ARHGAP6: variants seen among roughly 807,000 people sequenced by gnomAD.
ARHGAP6 encodes Rho GTPase activating protein 6.
In ARHGAP6, 16 loss-of-function variants were observed where a neutral mutation model predicts 55.7. The ratio of observed to expected loss-of-function variants is 0.29; its 90% confidence interval spans 0.19 to 0.44. The LOEUF is 0.44. Among genes scored for constraint, ARHGAP6 ranks in the 20% least tolerant of loss-of-function variants. ARHGAP6 has a pLI of 1.00. For synonymous variants in ARHGAP6, 382 were observed against 360.9 expected (o/e 1.06, Z -0.66); for missense variants, 698 against 808.9 (o/e 0.86, Z 1.66).
intron 2 of ARHGAP6, among the ~76,000 whole-genome samples, chrX:11,204,474 TA>T (rs1395201777): frequency 9.0e-6 from 1 of 111,319 alleles, no homozygotes; most frequent in Non-Finnish European, 1.9e-5. Context: ...AGATGCTCAA[TA>T]AATTAGTTGA....
chrX:11,286,628 T>A (rs2047924797), intron 1 of ARHGAP6, among the ~76,000 whole-genome samples: 1 of 111,396 alleles, frequency 9.0e-6, no homozygotes, highest in East Asian at 2.8e-4. Flanking sequence ...ATCAAACATA[T>A]GCGATGTCCG....
intron 1 of ARHGAP6, among the ~76,000 whole-genome samples, chrX:11,352,543 A>C (rs2040744680): frequency 8.9e-6 from 1 of 112,110 alleles, no homozygotes; most frequent in African/African-American, 3.2e-5. Flanking sequence ...TCAGTTGATC[A>C]AAGTTCTTAA....
chrX:11,161,541 CAT>C (rs2045944946), intron 9 of ARHGAP6, among the ~76,000 whole-genome samples: 1 of 110,725 alleles, frequency 9.0e-6, no homozygotes, highest in Admixed American at 9.7e-5. Flanking sequence ...CATCTGAAAA[CAT>C]ATGCATATTC....
intron 1 of ARHGAP6, among the ~76,000 whole-genome samples, chrX:11,285,379 T>G (rs1193932728): frequency 1.8e-5 from 2 of 111,570 alleles, no homozygotes; most frequent in Non-Finnish European, 3.8e-5. Context: ...AGCTTGAGTT[T>G]AAGGGCCTCA....
intron 1 of ARHGAP6, among the ~76,000 whole-genome samples, chrX:11,333,090 C>A (rs1309068562): frequency 3.6e-5 from 4 of 111,985 alleles, no homozygotes; most frequent in African/African-American, 1.3e-4. Context: ...TTGCAGTTAC[C>A]TTCTCCACTG....
chrX:11,334,750 G>A, intron 1 of ARHGAP6: 1 of 248,495 alleles, frequency 4.0e-6, no homozygotes, highest in Admixed American at 4.6e-5. Flanking sequence ...CACAGCCCAG[G>A]CATCCTTGTT....
intron 1 of ARHGAP6, among the ~76,000 whole-genome samples, chrX:11,536,768 G>T (rs1165292248): frequency 8.9e-6 from 1 of 112,340 alleles, no homozygotes; most frequent in Admixed American, 9.4e-5. Flanking sequence ...TTTTTGTATT[G>T]TCTCTGATAT....
At chrX:11,379,020 C>T (rs1021025391) in intron 1 of ARHGAP6, among the ~76,000 whole-genome samples, 5 of 112,407 alleles carry the variant, frequency 4.4e-5, no homozygotes, top group East Asian at 5.6e-4. Context: ...ATAACCTACT[C>T]GGAAGCTGGA....
intron 1 of ARHGAP6, among the ~76,000 whole-genome samples, chrX:11,346,849 T>C (rs1371348058): frequency 2.7e-5 from 3 of 112,327 alleles, no homozygotes; most frequent in Non-Finnish European, 3.8e-5. Context: ...GTAGTATACA[T>C]TTATACTACA....
chrX:11,484,940 A>G (rs2050496265), intron 1 of ARHGAP6, among the ~76,000 whole-genome samples: 1 of 111,774 alleles, frequency 8.9e-6, no homozygotes, highest in African/African-American at 3.3e-5. Context: ...GATTCAGACC[A>G]GGTGTGCCTA....
intron 1 of ARHGAP6, among the ~76,000 whole-genome samples, chrX:11,388,321 T>C (rs1442083152): frequency 8.9e-6 from 1 of 112,148 alleles, no homozygotes; most frequent in East Asian, 2.8e-4. Flanking sequence ...TGAGCATTTT[T>C]TCATGTGTCT....
intron 1 of ARHGAP6, among the ~76,000 whole-genome samples, chrX:11,623,658 C>G (rs2147167094): frequency 9.9e-6 from 1 of 101,116 alleles, no homozygotes; most frequent in East Asian, 3.1e-4. Flanking sequence ...GATCGCGCCA[C>G]TGCACTCCAG....
At chrX:11,216,144 G>A (rs1384203839) in intron 2 of ARHGAP6, among the ~76,000 whole-genome samples, 2 of 107,419 alleles carry the variant, frequency 1.9e-5, no homozygotes, top group Non-Finnish European at 3.8e-5. Flanking sequence ...GAGCCAAAAG[G>A]GTCCACAAAT....
intron 1 of ARHGAP6, among the ~76,000 whole-genome samples, chrX:11,358,745 G>T (rs1457738968): frequency 9.0e-6 from 1 of 111,381 alleles, no homozygotes. Context: ...GCCACCCAAA[G>T]TGCTGGGATT....
In ARHGAP6 at chrX:11,388,778, T is replaced by A. The variant is rs116204326; in HGVS notation, c.589-134071A>T. On this transcript the variant is annotated intron_variant, in intron 1 of 12. Transcript: ENST00000337414. ...AGTTTCAGCTTTCTACATATAAAAT[T>A]TTCTCAACTAAACTCAGAAAAGGAA... Among the ~76,000 whole-genome samples the A allele has an allele frequency of 7.5e-3, 837 of 111,939 alleles. 9 individuals carry two copies. Among genetic ancestry groups the A allele is most frequent in the African/African-American group, 0.025 (783 of 30,789 alleles).
chrX:11,212,798 T>C (rs2046822692), intron 2 of ARHGAP6, among the ~76,000 whole-genome samples: 1 of 112,029 alleles, frequency 8.9e-6, no homozygotes, highest in Admixed American at 9.4e-5. Flanking sequence ...TGAGAAAATA[T>C]ATATATATAA....
At chrX:11,579,347 A>G (rs770618089) in intron 1 of ARHGAP6, among the ~76,000 whole-genome samples, 7 of 111,750 alleles carry the variant, frequency 6.3e-5, no homozygotes, top group Non-Finnish European at 7.5e-5. Context: ...AATATAACAA[A>G]TCAGCCTCAT....
intron 1 of ARHGAP6, among the ~76,000 whole-genome samples, chrX:11,594,543 T>C (rs1372067891): frequency 2.7e-5 from 3 of 110,816 alleles, no homozygotes; most frequent in Non-Finnish European, 3.8e-5. Flanking sequence ...GTTGCGTGAG[T>C]GAACATTACC....
intron 6 of ARHGAP6, 97 bp from the exon 7 acceptor site, chrX:11,179,549 T>G: frequency 9.7e-7 from 1 of 1,031,629 alleles, no homozygotes; most frequent in Non-Finnish European, 1.3e-6. Context: ...CATCTGGAAT[T>G]AAGACTGCAC....
Sources: gnomAD v4.1 joint callset for allele counts (sites outside exome capture counted in the v4.1 genomes callset) on GRCh38, gnomAD v4.1.1 for gene constraint, MANE v1.5 for transcripts, NCBI Gene and HGNC (gene_info 2026-07-23, HGNC 2026-07-21) for gene names.